The following BRCA1 variants were observed in gnomAD, a reference collection of about 807,000 sequenced individuals.
The protein encoded by BRCA1 is breast cancer type 1 susceptibility protein.
In BRCA1, 140 loss-of-function variants were observed where a neutral mutation model predicts 173.7. The ratio of observed to expected loss-of-function variants is 0.81; its 90% CI spans 0.70 to 0.93. The LOEUF is 0.93. BRCA1 is among the 40% of genes least tolerant of loss of function. The pLI is 0.00. For synonymous variants in BRCA1, 662 were observed against 756.0 expected (o/e 0.88, Z 2.04); for missense variants, 1,983 against 2,172.5 (o/e 0.91, Z 1.73).
At position 43,079,329 on chromosome 17, in the gene BRCA1, G is replaced by T. The variant is rs746972533; in HGVS notation, c.4358-2715C>A. ...GACGAACACAAAGGGAAAGAGGAGA[G>T]GCACCTGATATATGTTCTCTAGGCC... is the stretch of plus-strand genomic sequence containing the variant. On this transcript the variant is annotated intron_variant, in intron 12 of 22. Transcript: ENST00000357654. The T allele has an allele frequency of 2.5e-5, 40 of 1,590,192 alleles. No individual in the cohort carries two copies. The highest frequency in any genetic ancestry group is 3.2e-5 in the Non-Finnish European group (37 of 1,172,870).
chr17:43,101,135 TC>T (rs1056543024), intron 6 of BRCA1, among the ~76,000 whole-genome samples: 1 of 151,998 alleles, frequency 6.6e-6, no homozygotes, highest in Non-Finnish European at 1.5e-5. Context: ...ACTTTTTTTT[TC>T]CTTCCTTTTT....
chr17:43,121,477 G>A (rs1479866212), intron 2 of BRCA1, among the ~76,000 whole-genome samples: 1 of 152,080 alleles, frequency 6.6e-6, no homozygotes, highest in Non-Finnish European at 1.5e-5. Flanking sequence ...CTGAGGTCAG[G>A]AGTTCGAGAC....
intron 2 of BRCA1, among the ~76,000 whole-genome samples, chr17:43,123,092 A>G (rs1015600130): frequency 3.3e-5 from 5 of 151,764 alleles, no homozygotes; most frequent in African/African-American, 1.2e-4. Context: ...TTAGCTGGGC[A>G]TGGTGGTGCA....
At chr17:43,152,424 A>G (rs1380510630) in intron 1 of BRCA1, among the ~76,000 whole-genome samples, 1 of 152,178 alleles carries the variant, frequency 6.6e-6, no homozygotes, top group Non-Finnish European at 1.5e-5. Flanking sequence ...GTTAATGTAT[A>G]AAAGGAGAAC....
intron 1 of BRCA1, among the ~76,000 whole-genome samples, chr17:43,134,503 G>A (rs924100568): frequency 2.0e-5 from 3 of 152,236 alleles, no homozygotes; most frequent in African/African-American, 7.2e-5. Flanking sequence ...GGAGGACAGG[G>A]AATGCTTGTG....
intron 1 of BRCA1, chr17:43,162,510 G>A (rs1392554778): frequency 6.6e-6 from 1 of 152,084 alleles, no homozygotes; most frequent in East Asian, 1.9e-4. Flanking sequence ...CATCAGGTTG[G>A]TCACTTCCTG....
chr17:43,115,614 C>T (rs995607234), intron 3 of BRCA1, 112 bp downstream of exon 3: 20 of 1,058,708 alleles, frequency 1.9e-5, no homozygotes, highest in African/African-American at 3.2e-5. Context: ...TTGGATTTTT[C>T]GTTCTCACTT....
rs1555593332 is a variant in BRCA1 at position 43,094,856 on chromosome 17, A to C, written c.675T>G (p.Ala225=). Residue 225 remains alanine (A), a synonymous_variant, in exon 10 of 23, where the codon GCT becomes GCG. Transcript: ENST00000357654. The part of the protein sequence containing the change: ...EISLDSAKKA[A]CEFSETDVTN... ...TTACATCCGTCTCAGAAAATTCACA[A>C]GCAGCTGAAAATATACAAAAATAAC... 6.2e-7 allele frequency: 1 copy of C among 1,609,608 alleles called. No homozygotes were observed.
intron 1 of BRCA1, among the ~76,000 whole-genome samples, chr17:43,133,779 C>T (rs1357052552): frequency 1.3e-5 from 2 of 152,094 alleles, no homozygotes; most frequent in East Asian, 1.9e-4. Context: ...GGACTACAGG[C>T]GCACACCACC....
intron 15 of BRCA1, among the ~76,000 whole-genome samples, chr17:43,069,051 C>CA (rs2052270959): frequency 6.6e-6 from 1 of 152,186 alleles, no homozygotes; most frequent in Non-Finnish European, 1.5e-5. Flanking sequence ...CCAGTATTTA[C>CA]GTGTTGCACA....
At chr17:43,060,342 G>A (rs113488132) in intron 18 of BRCA1, among the ~76,000 whole-genome samples, 107 of 151,320 alleles carry the variant, frequency 7.1e-4, no homozygotes, top group African/African-American at 2.4e-3. Flanking sequence ...ACACCCAGCC[G>A]TGCCCAGCTA....
chr17:43,139,019 C>T lies in BRCA1; in HGVS notation c.-19-14904G>A, dbSNP rs1250374491. 4 of 762,236 alleles carry T rather than the reference C, an allele frequency of 5.2e-6. No individual in the cohort carries two copies. In the African/African-American group the frequency reaches 6.9e-5, roughly 13 times the overall value. The allele number at this position is 762,236 out of a possible 1,614,324, so 47.2% of individuals were successfully genotyped here. A position where few individuals can be genotyped will look rare whatever the true frequency, so the allele number is the denominator to read the frequency against. ...AAAGCACTAATTGCCTATATACAACCCCTTTTTGTTTGAAATATCTAGAGT... is the reference window on the plus strand; with the variant it reads ...AAAGCACTAATTGCCTATATACAACTCCTTTTTGTTTGAAATATCTAGAGT... On this transcript the variant is annotated intron_variant, in intron 1 of 7. Coordinates refer to the BRCA1 transcript ENST00000634433.
At chr17:43,115,412 G>T (rs1479742897) in intron 3 of BRCA1, among the ~76,000 whole-genome samples, 1 of 151,550 alleles carries the variant, frequency 6.6e-6, no homozygotes, top group Admixed American at 6.6e-5. Flanking sequence ...TGAGGTAGAA[G>T]AATCGCTTGA....
chr17:43,170,084 G>A (rs2056316341), intron 1 of BRCA1: 4 of 359,272 alleles, frequency 1.1e-5, no homozygotes, highest in South Asian at 8.8e-5. Flanking sequence ...CCATAGCGCG[G>A]GCGAGTGTGG....
chr17:43,125,622 C>A (rs963681962), upstream of BRCA1: 16 of 280,500 alleles, frequency 5.7e-5, no homozygotes, highest in Non-Finnish European at 1.1e-4. Context: ...AAAGTGCCTG[C>A]CCTCTAGCCT....
intron 1 of BRCA1, 159 bp downstream of exon 1, chr17:43,125,112 G>GCCCCCC: frequency 3.7e-6 from 1 of 270,446 alleles, no homozygotes; most frequent in Non-Finnish European, 7.6e-6. Context: ...CCTACAAACT[G>GCCCCCC]CCCCCCTCCC....
At chr17:43,053,234 A>G (rs1269591077) in intron 19 of BRCA1, among the ~76,000 whole-genome samples, 1 of 152,216 alleles carries the variant, frequency 6.6e-6, no homozygotes, top group African/African-American at 2.4e-5. Context: ...TAGGACCTGC[A>G]TGCTCATAAT....
At chr17:43,110,706 G>A (rs1219918099) in intron 3 of BRCA1, 2 of 279,612 alleles carry the variant, frequency 7.2e-6, no homozygotes, top group East Asian at 1.9e-4. Flanking sequence ...TGGGTGCGGT[G>A]GCTCATGCCT....
At chr17:43,165,581 C>T (rs117568533) in intron 1 of BRCA1, among the ~76,000 whole-genome samples, 3,727 of 150,214 alleles carry the variant, frequency 0.025, 73 homozygotes, top group Non-Finnish European at 0.035. Context: ...TTTTCTCTTT[C>T]GTGACTTTCG....
Sources: gnomAD v4.1 joint callset for allele counts (sites outside exome capture counted in the v4.1 genomes callset) on GRCh38, gnomAD v4.1.1 for gene constraint, MANE v1.5 for transcripts, NCBI Gene and HGNC (gene_info 2026-07-23, HGNC 2026-07-21) for gene names.